DCTN1: variants seen among roughly 807,000 people sequenced by gnomAD.
The protein encoded by DCTN1 is dynactin subunit 1.
A neutral mutation model predicts 161.2 loss-of-function variants in DCTN1; 61 were observed. The ratio of observed to expected loss-of-function variants is 0.38; its 90% CI spans 0.31 to 0.47. The LOEUF is 0.47. Among genes scored for constraint, DCTN1 ranks in the 20% least tolerant of loss-of-function variants. DCTN1 has a pLI of 0.99. For synonymous variants in DCTN1, 653 were observed against 632.4 expected, an observed-to-expected ratio of 1.03 and a Z score of -0.49; for missense variants, 1,404 against 1,623.7, an observed-to-expected ratio of 0.86 and a Z score of 2.33.
chr2:74,374,281 G>A, intron 6 of DCTN1, 42 bp downstream of exon 6: 1 of 1,408,396 alleles, frequency 7.1e-7, no homozygotes, highest in East Asian at 2.4e-5. Context: ...TGCCACCATT[G>A]CCCTGGCAAC....
chr2:74,366,908 C>A lies in DCTN1; in HGVS notation c.2341G>T (p.Ala781Ser), dbSNP rs1266701728. The A allele has an allele frequency of 1.9e-6, 3 of 1,614,066 alleles. No homozygotes were observed. Among genetic ancestry groups the A allele is most frequent in the Admixed American group, 3.3e-5 (2 of 60,008 alleles). Residue 781 changes from alanine (A) to serine (S), a missense_variant, in exon 21 of 32, where the codon GCC (alanine) becomes TCC (serine). Ala to Ser is a moderately conservative substitution (Grantham distance 99). Transcript: ENST00000628224. ...LQGGQEATDI[A>S]LLLRDLETSC... ...GTTTCCAGATCCCGGAGCAGGAGGG[C>A]AATATCTGTAGCCTCCTGCCCACCC...
rs1177805546 is a variant in DCTN1, at chr2:74,361,261, C to A, written c.*238G>T. On this transcript the variant is annotated 3_prime_UTR_variant, in exon 32 of 32. Transcript: ENST00000628224. Reference sequence around the variant, plus strand: ...AGCCTACCCCCCACAAGCCCTGAGGCCCCTCAGGAAGGAGGGAGCAGTTGA... The same window carrying A: ...AGCCTACCCCCCACAAGCCCTGAGGACCCTCAGGAAGGAGGGAGCAGTTGA... The A allele has an allele frequency of 4.5e-6, 3 of 668,216 alleles. No homozygotes were observed. The highest frequency in any genetic ancestry group is 2.1e-5 in the Admixed American group (1 of 48,248). The allele number at this position is 668,216 out of a possible 1,614,324, so 41.4% of individuals were successfully genotyped here.
At chr2:74,390,465 T>G (rs1342180314) in intron 1 of DCTN1, 1 of 227,104 alleles carries the variant, frequency 4.4e-6, no homozygotes, top group Non-Finnish European at 9.6e-6. Flanking sequence ...GCTGCAAAAT[T>G]TGCCAAATTG....
In DCTN1 at chr2:74,374,343, G is replaced by T; in HGVS notation, c.415-3C>A. ...AGTACCTTTCGGGCTGTCGGTGCCTGTCTCATCATTGCAGAAAACCAAAGA... is the reference window on the plus strand; with the variant it reads ...AGTACCTTTCGGGCTGTCGGTGCCTTTCTCATCATTGCAGAAAACCAAAGA... On this transcript the variant is annotated splice_polypyrimidine_tract_variant and splice_region_variant and intron_variant, in intron 5 of 31. Transcript: ENST00000628224. 6.2e-7 allele frequency: 1 copy of T among 1,613,642 alleles called. No individual in the cohort carries two copies. The highest frequency in any genetic ancestry group is 8.5e-7 in the Non-Finnish European group (1 of 1,179,782).
intron 5 of DCTN1, among the ~76,000 whole-genome samples, chr2:74,375,938 A>G (rs1675197303): frequency 1.3e-5 from 2 of 152,232 alleles, no homozygotes. Flanking sequence ...GACGACAAGG[A>G]AATCACAGAA....
chr2:74,390,923 A>C (rs923324009), intron 1 of DCTN1, among the ~76,000 whole-genome samples: 1 of 152,236 alleles, frequency 6.6e-6, no homozygotes, highest in African/African-American at 2.4e-5. Context: ...AGTATATCCT[A>C]GTAAAATTTT....
chr2:74,361,476 G>T lies in DCTN1; in HGVS notation c.*23C>A, dbSNP rs1363716499. The T allele has an allele frequency of 5.0e-6, 8 of 1,613,816 alleles. No homozygotes were observed. Among genetic ancestry groups the T allele is most frequent in the Non-Finnish European group, 6.8e-6 (8 of 1,180,030 alleles). The stretch of plus-strand genomic sequence containing the variant: ...GGCACCAGAGGGCTGAGGGTCGAAG[G>T]GGACAGCAGGGGAAAGGAGTGCTTA... On this transcript the variant is annotated 3_prime_UTR_variant, in exon 32 of 32. Transcript: ENST00000628224.
At chr2:74,379,691 G>A (rs1170706262) in intron 1 of DCTN1, among the ~76,000 whole-genome samples, 1 of 152,158 alleles carries the variant, frequency 6.6e-6, no homozygotes, top group African/African-American at 2.4e-5. Context: ...AGGCTTCACT[G>A]TAAGACCTCT....
intron 23 of DCTN1, 37 bp from the exon 24 acceptor site, chr2:74,366,055 TG>T: frequency 6.2e-7 from 1 of 1,613,950 alleles, no homozygotes; most frequent in Non-Finnish European, 8.5e-7. Context: ...AAAGTGAGGG[TG>T]GAGAGAAGAG....
chr2:74,366,831 T>A lies in DCTN1; in HGVS notation c.2418A>T (p.Pro806=). Residue 806 remains proline (P), a synonymous_variant, in exon 21 of 32, where the codon CCA becomes CCT. Coordinates refer to ENST00000628224, the MANE Select transcript of DCTN1 (RefSeq NM_004082.5). ...CTGGGATCCCAGGAGCATCTGTCCC[T>A]GGCATTCGCCTTCGGATCTTCTTGC... is the stretch of plus-strand genomic sequence containing the variant. ...QFCKKIRRRM[P]GTDAPGIPAA... is the part of the protein sequence containing the mutation. The A allele has an allele frequency of 6.2e-7, 1 of 1,614,274 alleles. No individual in the cohort carries two copies. The highest frequency in any genetic ancestry group is 8.5e-7 in the Non-Finnish European group (1 of 1,180,050).
At chr2:74,362,803 G>T in intron 29 of DCTN1, 74 bp from the exon 30 acceptor site, 1 of 1,443,014 alleles carries the variant, frequency 6.9e-7, no homozygotes. Flanking sequence ...GGTTAGGGGT[G>T]CAGGTATAAG....
intron 22 of DCTN1, 41 bp from the exon 23 acceptor site, chr2:74,366,416 C>T (rs1247042733): frequency 2.5e-6 from 4 of 1,614,052 alleles, no homozygotes; most frequent in African/African-American, 1.3e-5. Context: ...CCACACTGGT[C>T]ACTAACTCTC....
chr2:74,362,922 G>A (rs1328231999), intron 29 of DCTN1, 72 bp downstream of exon 29: 5 of 1,551,896 alleles, frequency 3.2e-6, no homozygotes, highest in Non-Finnish European at 4.4e-6. Context: ...GGAACCACCT[G>A]AGCAGGGGCT....
In DCTN1 at chr2:74,371,603, T is replaced by A; in HGVS notation, c.579A>T (p.Ala193=). ...TGAGGACCGGCGTGGGGATGATGGG[T>A]GCTGCCAGCGGAGTCTGAGCCGGGG... ...PSTPAQTPLA[A]PIIPTPVLTS... The change falls in exon 8 of 32, where the codon GCA becomes GCT. Residue 193 remains alanine, a synonymous_variant. Transcript: ENST00000628224. 6.3e-7 allele frequency: 1 copy of A among 1,588,730 alleles called. No homozygotes were observed. Among genetic ancestry groups the A allele is most frequent in the Non-Finnish European group, 8.6e-7 (1 of 1,168,080 alleles).
Position 74,368,761 on chromosome 2 carries a change from C to G in DCTN1, c.1821G>C (p.Leu607=). 6.2e-7 allele frequency: 1 copy of G among 1,614,238 alleles called. No individual in the cohort carries two copies. The highest frequency in any genetic ancestry group is 8.5e-7 in the Non-Finnish European group (1 of 1,180,042). ...TGAGACGAGGCATGAGCAACAGCAC[C>G]AGAACGCAGTCATGGTCCCCACCTG... is the stretch of plus-strand genomic sequence containing the variant. ...LRPGGDHDCV[L]VLLLMPRLIC... Residue 607 remains leucine (L), a synonymous_variant, in exon 16 of 32, where the codon CTG becomes CTC. Transcript: ENST00000628224.
chr2:74,376,218 T>C (rs958579094), intron 5 of DCTN1, among the ~76,000 whole-genome samples: 3 of 152,008 alleles, frequency 2.0e-5, no homozygotes, highest in Non-Finnish European at 4.4e-5. Flanking sequence ...GGCAGAGTTG[T>C]GGGGTGTGGG....
chr2:74,368,614 A>G, intron 16 of DCTN1, 114 bp downstream of exon 16: 1 of 1,443,644 alleles, frequency 6.9e-7, no homozygotes, highest in Non-Finnish European at 9.6e-7. Context: ...TTCCTCCACT[A>G]TACCATAAAC....
chr2:74,388,447 T>C (rs1441034843), intron 1 of DCTN1, among the ~76,000 whole-genome samples: 1 of 152,236 alleles, frequency 6.6e-6, no homozygotes, highest in Non-Finnish European at 1.5e-5. Context: ...CAAAGTTCTC[T>C]TTTATTCCAG....
At chr2:74,388,780 G>C (rs961794806) in intron 1 of DCTN1, among the ~76,000 whole-genome samples, 14 of 152,206 alleles carry the variant, frequency 9.2e-5, no homozygotes, top group African/African-American at 3.1e-4. Context: ...ATTCAATGTT[G>C]AATAGATGCC....
Sources: gnomAD v4.1 joint callset for allele counts (sites outside exome capture counted in the v4.1 genomes callset) on GRCh38, gnomAD v4.1.1 for gene constraint, MANE v1.5 for transcripts, NCBI Gene and HGNC (gene_info 2026-07-23, HGNC 2026-07-21) for gene names.